DPP6: variants seen among roughly 807,000 people sequenced by gnomAD.
The protein encoded by DPP6 is dipeptidyl peptidase like 6.
A neutral mutation model predicts 122.6 loss-of-function variants in DPP6; 69 were observed. The observed-to-expected ratio is 0.56, with a 90% confidence interval of 0.46 to 0.69. The LOEUF (loss-of-function observed/expected upper bound fraction) is 0.69. DPP6 is among the 30% of genes least tolerant of loss of function. The pLI is 0.00. For synonymous variants in DPP6, 418 were observed against 433.1 expected, an observed-to-expected ratio of 0.97 and a Z score of 0.43; for missense variants, 928 against 1,116.9, an observed-to-expected ratio of 0.83 and a Z score of 2.41.
At chr7:154,578,889 A>G (rs1831860448) in intron 5 of DPP6, among the ~76,000 whole-genome samples, 1 of 152,218 alleles carries the variant, frequency 6.6e-6, no homozygotes, top group African/African-American at 2.4e-5. Flanking sequence ...AATCTGCTGT[A>G]TAATTCAGAA....
rs573243961 is a variant in DPP6, at chr7:153,897,129, A to G, written c.51+9395A>G. The stretch of plus-strand genomic sequence containing the variant: ...TGTTAGAACAACCCATTGTGTTGGA[A>G]AGACAGATATTAGTTCTTTTTTTAT... On this transcript the variant is annotated intron_variant, in intron 1 of 25. Coordinates refer to the DPP6 transcript ENST00000404039. Among the ~76,000 whole-genome samples the G allele has an allele frequency of 1.5e-3, 226 of 152,354 alleles. 1 individual carries two copies. Among genetic ancestry groups the G allele is most frequent in the African/African-American group, 5.1e-3 (212 of 41,584 alleles).
intron 1 of DPP6, among the ~76,000 whole-genome samples, chr7:154,141,566 G>A (rs895062521): frequency 1.3e-5 from 2 of 152,188 alleles, no homozygotes; most frequent in African/African-American, 4.8e-5. Context: ...GGTGATGCCT[G>A]TTCCTAAATT....
chr7:154,255,385 G>A (rs75252256), intron 1 of DPP6, among the ~76,000 whole-genome samples: 1,649 of 152,364 alleles, frequency 0.011, 39 homozygotes, highest in African/African-American at 0.037. Context: ...AGCAGGCTTA[G>A]ATGAATTACA....
intron 1 of DPP6, among the ~76,000 whole-genome samples, chr7:154,173,526 T>A (rs1228791042): frequency 6.6e-6 from 1 of 152,112 alleles, no homozygotes; most frequent in East Asian, 1.9e-4. Flanking sequence ...CCTGGACTCC[T>A]CTCTCTCTGC....
At chr7:153,828,425 C>T in the DPP6 span, among the ~76,000 whole-genome samples, 7 of 152,058 alleles carry the variant, frequency 4.6e-5, no homozygotes, top group Admixed American at 3.9e-4. Flanking sequence ...AGGGTGGGCA[C>T]CTGGGACCCC....
rs111900217 is a variant in DPP6, at chr7:154,747,132, A to G, written c.883+19245A>G. Among the ~76,000 whole-genome samples the G allele has an allele frequency of 1.9e-3, 294 of 152,328 alleles. 2 individuals are homozygous for G. The highest frequency in any genetic ancestry group is 2.8e-3 in the Non-Finnish European group (192 of 68,036). On this transcript the variant is annotated intron_variant, in intron 8 of 25. Coordinates refer to ENST00000377770, the MANE Select transcript of DPP6 (RefSeq NM_130797.4). ...TCACTCTGAGTAATCACCCTTCAGC[A>G]GTAGCATCTCCCTATCCAGTCTGCT...
intron 16 of DPP6, among the ~76,000 whole-genome samples, chr7:154,812,312 C>G (rs1799113598): frequency 6.6e-6 from 1 of 152,172 alleles, no homozygotes; most frequent in South Asian, 2.1e-4. Flanking sequence ...CTGATATTGA[C>G]CTATCCTGTA....
chr7:153,767,923 G>T, the DPP6 span, among the ~76,000 whole-genome samples: 3 of 152,166 alleles, frequency 2.0e-5, no homozygotes, highest in African/African-American at 7.2e-5. Flanking sequence ...GGGTGGTGAA[G>T]AAAGTGGGGT....
Position 154,807,354 on chromosome 7 carries a change from C to T in DPP6, c.1666+242C>T, listed in dbSNP as rs995858618. On this transcript the variant is annotated intron_variant, in intron 16 of 25. Coordinates refer to ENST00000377770, the MANE Select transcript of DPP6 (RefSeq NM_130797.4). ...CAGGTGTACAGCTTATCAGAGTGTT[C>T]TGTGCACACTGTGCCAGTAATCTCT... Among the ~76,000 whole-genome samples the T allele has an allele frequency of 7.2e-5, 11 of 152,296 alleles. No individual in the cohort carries two copies. In the South Asian group the frequency reaches 1.2e-3, roughly 17 times the overall value.
chr7:154,383,483 G>A (rs1017593449), intron 1 of DPP6, among the ~76,000 whole-genome samples: 19 of 152,310 alleles, frequency 1.2e-4, no homozygotes, highest in Admixed American at 3.3e-4. Flanking sequence ...ATTCCTAGGT[G>A]TAAAACATTC....
chr7:154,440,613 G>A (rs979492483), intron 1 of DPP6, among the ~76,000 whole-genome samples: 6 of 152,088 alleles, frequency 3.9e-5, no homozygotes, highest in Admixed American at 6.5e-5. Flanking sequence ...TAGTTATATC[G>A]TAGAAAAGGC....
the DPP6 span, among the ~76,000 whole-genome samples, chr7:153,808,624 C>T: frequency 6.6e-6 from 1 of 152,018 alleles, no homozygotes; most frequent in East Asian, 1.9e-4. Context: ...TATGAGTCCA[C>T]CTTTTTAGAT....
At chr7:154,744,649 G>A (rs1165786972) in intron 8 of DPP6, among the ~76,000 whole-genome samples, 4 of 152,180 alleles carry the variant, frequency 2.6e-5, no homozygotes. Context: ...ATTTAATTCT[G>A]CTCTCGGCAC....
chr7:154,159,216 C>A (rs1281951711), intron 1 of DPP6, among the ~76,000 whole-genome samples: 2 of 152,188 alleles, frequency 1.3e-5, no homozygotes, highest in Non-Finnish European at 2.9e-5. Context: ...TGGTTCCTGG[C>A]ACCTCTCTTG....
At chr7:154,135,556 A>C (rs1471369497) in intron 1 of DPP6, among the ~76,000 whole-genome samples, 1 of 150,494 alleles carries the variant, frequency 6.6e-6, no homozygotes. Flanking sequence ...CTTTCTGTGC[A>C]CTTCCTCTAA....
chr7:154,872,729 G>A (rs775981385), intron 19 of DPP6, 36 bp downstream of exon 19: 24 of 1,572,030 alleles, frequency 1.5e-5, no homozygotes, highest in Non-Finnish European at 1.8e-5. Context: ...CCTGGTGCTC[G>A]TTCTGGGGCT....
intron 8 of DPP6, among the ~76,000 whole-genome samples, chr7:154,749,210 T>G (rs1587013629): frequency 1.7e-5 from 2 of 115,168 alleles, no homozygotes; most frequent in Non-Finnish European, 1.8e-5. Context: ...TGAGAGAGGG[T>G]GAGGGAGCAT....
At chr7:153,977,413 TG>T (rs1423182901) in intron 1 of DPP6, among the ~76,000 whole-genome samples, 1 of 152,230 alleles carries the variant, frequency 6.6e-6, no homozygotes, top group East Asian at 1.9e-4. Flanking sequence ...TGGGCTTCAG[TG>T]GTCTTTCTCC....
chr7:154,698,310 CT>C (rs1840331161), intron 7 of DPP6, among the ~76,000 whole-genome samples: 1 of 151,948 alleles, frequency 6.6e-6, no homozygotes, highest in African/African-American at 2.4e-5. Context: ...ATAATATTCC[CT>C]GTTATCACTG....
Sources: gnomAD v4.1 joint callset for allele counts (sites outside exome capture counted in the v4.1 genomes callset) on GRCh38, gnomAD v4.1.1 for gene constraint, MANE v1.5 for transcripts, NCBI Gene and HGNC (gene_info 2026-07-23, HGNC 2026-07-21) for gene names.